ZDHHC20: variants seen among roughly 807,000 people sequenced by gnomAD.
ZDHHC20 encodes the protein zDHHC palmitoyltransferase 20, also known as palmitoyltransferase ZDHHC20.
ZDHHC20 carries 43 observed loss-of-function variants against 57.8 expected under a neutral mutation model. The observed-to-expected ratio is 0.74, with a 90% CI of 0.58 to 0.96. ZDHHC20 has a LOEUF of 0.96. Among genes scored for constraint, ZDHHC20 ranks in the 40% least tolerant of loss-of-function variants. The pLI is 0.00. For missense variants in ZDHHC20, 391 were observed against 441.1 expected (o/e 0.89, Z 1.02); for synonymous variants, 157 against 153.0 (o/e 1.03, Z -0.19).
chr13:21,391,314 T>A (rs1875677469), intron 8 of ZDHHC20, among the ~76,000 whole-genome samples: 1 of 152,180 alleles, frequency 6.6e-6, no homozygotes, highest in Non-Finnish European at 1.5e-5. Flanking sequence ...GCAGGAAAGT[T>A]TTCATTTATT....
chr13:21,390,194 C>T (rs1875412476), intron 8 of ZDHHC20: 1 of 152,178 alleles, frequency 6.6e-6, no homozygotes, highest in South Asian at 2.1e-4. Flanking sequence ...CTCCAACTTA[C>T]CTGGCAGATA....
intron 3 of ZDHHC20, among the ~76,000 whole-genome samples, chr13:21,416,222 AAG>A (rs1285611030): frequency 7.4e-5 from 11 of 148,780 alleles, no homozygotes; most frequent in Non-Finnish European, 1.4e-4. Flanking sequence ...AAAAAAAAAA[AAG>A]AATGAAGGTT....
chr13:21,418,117 T>C (rs182892763), intron 3 of ZDHHC20, among the ~76,000 whole-genome samples: 8 of 152,362 alleles, frequency 5.3e-5, no homozygotes, highest in Non-Finnish European at 4.4e-5. Flanking sequence ...GGAAGGGATA[T>C]AGTGCAGAAT....
intron 4 of ZDHHC20, among the ~76,000 whole-genome samples, chr13:21,405,969 A>G (rs112451616): frequency 6.6e-6 from 1 of 152,148 alleles, no homozygotes; most frequent in African/African-American, 2.4e-5. Context: ...TTTGAAACGG[A>G]CTCTGTGAGG....
intron 4 of ZDHHC20, among the ~76,000 whole-genome samples, chr13:21,409,370 T>C (rs1184700510): frequency 6.6e-6 from 1 of 152,236 alleles, no homozygotes; most frequent in Non-Finnish European, 1.5e-5. Flanking sequence ...TATCCATTTC[T>C]TCCAGATTTT....
chr13:21,398,555 C>G (rs776017511), intron 7 of ZDHHC20, among the ~76,000 whole-genome samples: 1 of 151,934 alleles, frequency 6.6e-6, no homozygotes, highest in African/African-American at 2.4e-5. Flanking sequence ...TAAATACATA[C>G]ATGGCATTTA....
Position 21,382,998 on chromosome 13 carries a change from C to CCAT in ZDHHC20, c.863_865dup (p.Asp288dup). 3 of 1,559,098 alleles carry CCAT rather than the reference C, an allele frequency of 1.9e-6. No homozygotes were observed. Among genetic ancestry groups the CCAT allele is most frequent in the Non-Finnish European group, 2.6e-6 (3 of 1,150,610 alleles). ...CACAAGGCGAGTTGGAAAACTGCAA[C>CCAT]CATCACCCAAGCTGCATAATGAAAA... On this transcript the variant is annotated inframe_insertion, in exon 10 of 13. Transcript: ENST00000400590.
Position 21,448,579 on chromosome 13 carries a change from G to A in ZDHHC20, c.118+10475C>T, listed in dbSNP as rs1218704062. 2.7e-4 allele frequency among the ~76,000 whole-genome samples: 23 copies of A among 86,282 alleles called. 3 individuals are homozygous for A. Among genetic ancestry groups the A allele is most frequent in the South Asian group, 3.4e-4 (1 of 2,920 alleles). 56.6% of individuals were successfully genotyped at this position (86,282 alleles called of 152,430 possible). A position where few individuals can be genotyped will look rare whatever the true frequency, so the allele number is the denominator to read the frequency against. Reference sequence around the variant, plus strand: ...GCCCCTCTGCCCGGCCAGCCGCCCCGTCCGGGAGGGAGGTGGGGGGGTCAG... The same window carrying A: ...GCCCCTCTGCCCGGCCAGCCGCCCCATCCGGGAGGGAGGTGGGGGGGTCAG... On this transcript the variant is annotated intron_variant, in intron 1 of 12. Transcript: ENST00000400590.
chr13:21,415,202 A>C (rs1401299413), intron 3 of ZDHHC20, among the ~76,000 whole-genome samples: 1 of 152,212 alleles, frequency 6.6e-6, no homozygotes, highest in Admixed American at 6.5e-5. Flanking sequence ...AGACTTAGGC[A>C]ATTTTCTAAG....
chr13:21,439,340 A>C (rs1471983895), intron 1 of ZDHHC20, among the ~76,000 whole-genome samples: 1 of 151,596 alleles, frequency 6.6e-6, no homozygotes, highest in Non-Finnish European at 1.5e-5. Flanking sequence ...TTTCTACAAA[A>C]ATTTCAAATA....
rs1445664461 is a variant in ZDHHC20, at chr13:21,441,409, G to A, written c.119-15731C>T. ...TTTCTCTCTTTTTTTTTTTTGAGAC[G>A]GAGTCTAGCACTGTCGCCCAGGCTG... On this transcript the variant is annotated intron_variant, in intron 1 of 12. Coordinates refer to ENST00000400590, the MANE Select transcript of ZDHHC20 (RefSeq NM_001330059.2). Among the ~76,000 whole-genome samples, 18 of 146,496 alleles carry A rather than the reference G, an allele frequency of 1.2e-4. 1 individual carries two copies. The highest frequency in any genetic ancestry group is 4.1e-4 in the Admixed American group (6 of 14,662).
intron 11 of ZDHHC20, among the ~76,000 whole-genome samples, chr13:21,379,972 C>T (rs527852318): frequency 5.3e-5 from 8 of 151,698 alleles, no homozygotes; most frequent in Non-Finnish European, 7.4e-5. Flanking sequence ...CCCACCACCT[C>T]GCCCGTCTAA....
Position 21,381,006 on chromosome 13 carries a change from T to A in ZDHHC20, c.1060+428A>T, listed in dbSNP as rs139785850. Among the ~76,000 whole-genome samples the A allele has an allele frequency of 5.9e-3, 896 of 151,412 alleles. 9 individuals carry two copies. Among genetic ancestry groups the A allele is most frequent in the African/African-American group, 0.02 (848 of 41,388 alleles). On this transcript the variant is annotated intron_variant, in intron 11 of 12. Transcript: ENST00000400590. Reference sequence around the variant, plus strand: ...ATATATTTTATTTATTTATTTATTTTTTATTATTATTATTTTTTGAGATGG... The same window carrying A: ...ATATATTTTATTTATTTATTTATTTATTATTATTATTATTTTTTGAGATGG...
At chr13:21,447,024 G>C (rs1883776544) in intron 1 of ZDHHC20, among the ~76,000 whole-genome samples, 1 of 152,018 alleles carries the variant, frequency 6.6e-6, no homozygotes. Context: ...TAACAAACTG[G>C]TATTAATTTG....
At chr13:21,401,903 C>G (rs1252890601) in intron 5 of ZDHHC20, among the ~76,000 whole-genome samples, 1 of 152,142 alleles carries the variant, frequency 6.6e-6, no homozygotes, top group African/African-American at 2.4e-5. Flanking sequence ...TGAACATATT[C>G]AGCTGCCTTA....
intron 1 of ZDHHC20, among the ~76,000 whole-genome samples, chr13:21,452,700 G>T (rs1009218021): frequency 6.6e-6 from 1 of 152,096 alleles, no homozygotes; most frequent in African/African-American, 2.4e-5. Context: ...AGAGATAGAA[G>T]TATACTTTTA....
Position 21,459,223 on chromosome 13 carries a change from G to A in ZDHHC20, c.-52C>T. ...CGTCCCACCGTTCTGGGGAGCGCGG[G>A]AGCCCCGGCGACGGTGACTCGGACG... On this transcript the variant is annotated 5_prime_UTR_variant, in exon 1 of 13. Transcript: ENST00000400590. 2.1e-6 allele frequency: 3 copies of A among 1,442,298 alleles called. No individual in the cohort carries two copies. The highest frequency in any genetic ancestry group is 9.4e-7 in the Non-Finnish European group (1 of 1,066,918). 89.3% of individuals were successfully genotyped at this position (1,442,298 alleles called of 1,614,324 possible).
chr13:21,448,221 G>A (rs1884002979), intron 1 of ZDHHC20, among the ~76,000 whole-genome samples: 1 of 76,418 alleles, frequency 1.3e-5, no homozygotes. Flanking sequence ...CCGGCCAGCT[G>A]CCCCATCCGG....
intron 1 of ZDHHC20, 79 bp from the exon 2 acceptor site, chr13:21,425,757 T>C (rs1881176153): frequency 1.1e-6 from 1 of 870,538 alleles, no homozygotes; most frequent in South Asian, 2.6e-5. Context: ...TGAATATTCA[T>C]CTTAATATCA....
Sources: allele counts gnomAD v4.1 joint callset (sites outside exome capture counted in the v4.1 genomes callset), GRCh38; gene constraint gnomAD v4.1.1; transcripts MANE v1.5; gene names NCBI Gene and HGNC (gene_info 2026-07-23, HGNC 2026-07-21).